COL20A1: variants seen among roughly 807,000 people sequenced by gnomAD.
COL20A1 encodes collagen alpha-1(XX) chain.
In COL20A1, 164 loss-of-function variants were observed where a neutral mutation model predicts 152.9. That is an observed-to-expected ratio of 1.07 (90% CI 0.94 to 1.22). The LOEUF (loss-of-function observed/expected upper bound fraction) is 1.22. COL20A1 is among the 50% of genes most tolerant of loss of function. The probability of loss-of-function intolerance (pLI) is 0.00; values close to 1 mark genes in which losing one functional copy is unlikely to be tolerated. For synonymous variants in COL20A1, 864 were observed against 756.0 expected (o/e 1.14, Z -2.34); for missense variants, 1,873 against 1,744.8 (o/e 1.07, Z -1.31).
rs749230620 is a variant in COL20A1 at position 63,309,517 on chromosome 20, G to A, written c.1105+20G>A. On this transcript the variant is annotated intron_variant, in intron 9 of 35. Coordinates refer to ENST00000358894, the MANE Select transcript of COL20A1 (RefSeq NM_020882.4). ...GCCCAGGTGAGGGGCAGGGTCACCC[G>A]CACAGGCTGCAGCCCCCCCGGCTGC... 1.1e-5 allele frequency: 16 copies of A among 1,482,256 alleles called. No individual in the cohort carries two copies. In the East Asian group the frequency reaches 1.3e-4, roughly 12 times the overall value. 91.8% of individuals were successfully genotyped at this position (1,482,256 alleles called of 1,614,324 possible). A position where few individuals can be genotyped will look rare whatever the true frequency, so the allele number is the denominator to read the frequency against.
At chr20:63,303,291 GC>G (rs1462726251) in intron 3 of COL20A1, among the ~76,000 whole-genome samples, 1 of 152,284 alleles carries the variant, frequency 6.6e-6, no homozygotes, top group South Asian at 2.1e-4. Context: ...AAACTCCTGG[GC>G]TCAAGTGATT....
At position 63,320,436 on chromosome 20, in the gene COL20A1, G is replaced by A. The variant is rs1400131323; in HGVS notation, c.3153+68G>A. The A allele has an allele frequency of 3.3e-6, 5 of 1,495,234 alleles. No individual in the cohort carries two copies. The East Asian group carries it at 6.8e-5, about 20-fold the overall frequency. 92.6% of individuals were successfully genotyped at this position (1,495,234 alleles called of 1,614,324 possible). The stretch of plus-strand genomic sequence containing the variant: ...GCAAGTGCCCACTGAGGGTCACAGT[G>A]CCTGGGGTCAGTTGGCCTGTCCAGA... On this transcript the variant is annotated intron_variant, in intron 25 of 35. Transcript: ENST00000358894.
intron 19 of COL20A1, 44 bp from the exon 20 acceptor site, chr20:63,315,360 G>A: frequency 1.3e-6 from 2 of 1,546,014 alleles, no homozygotes. Context: ...GGCGTTGGAG[G>A]CTGGGCCGCT....
At chr20:63,321,777 G>C (rs951140882) in intron 26 of COL20A1, among the ~76,000 whole-genome samples, 7 of 152,190 alleles carry the variant, frequency 4.6e-5, no homozygotes, top group African/African-American at 1.7e-4. Context: ...CTGGCTCTGG[G>C]ACCGGTCAAG....
intron 28 of COL20A1, 58 bp from the exon 29 acceptor site, chr20:63,325,610 G>A: frequency 6.3e-7 from 1 of 1,576,116 alleles, no homozygotes; most frequent in Non-Finnish European, 8.7e-7. Context: ...TCACAGGCAG[G>A]GCCACCTCTG....
intron 30 of COL20A1, 33 bp downstream of exon 30, chr20:63,326,182 A>G (rs1013184069): frequency 1.9e-6 from 3 of 1,571,624 alleles, no homozygotes; most frequent in Non-Finnish European, 2.6e-6. Context: ...CCCGACCCCC[A>G]CCCAGGGTTC....
intron 1 of COL20A1, among the ~76,000 whole-genome samples, chr20:63,294,698 G>A (rs962644391): frequency 1.3e-5 from 2 of 152,204 alleles, no homozygotes; most frequent in African/African-American, 4.8e-5. Context: ...ACATTGCCTG[G>A]AGAGCTCGCC....
intron 28 of COL20A1, 55 bp from the exon 29 acceptor site, chr20:63,325,613 C>T: frequency 6.3e-7 from 1 of 1,577,980 alleles, no homozygotes; most frequent in Non-Finnish European, 8.7e-7. Context: ...CAGGCAGGGC[C>T]ACCTCTGGAT....
Position 63,328,470 on chromosome 20 carries a change from G to C in COL20A1, c.3753G>C (p.Gly1251=), listed in dbSNP as rs2068286679. ...RSKALVPGEW[G]RGGRHLEGRG... is the part of the protein sequence containing the mutation. ...AGGCCCTGGTTCCTGGAGAATGGGG[G>C]CGTGGTGGCCGCCACCTTGAGGGCA... Residue 1251 remains glycine, a synonymous_variant, in exon 34 of 36, where the codon GGG becomes GGC. Transcript: ENST00000358894. 1.2e-6 allele frequency: 2 copies of C among 1,612,208 alleles called. No homozygotes were observed. The highest frequency in any genetic ancestry group is 1.7e-6 in the Non-Finnish European group (2 of 1,179,500).
chr20:63,317,444 C>G (rs73155411), intron 21 of COL20A1, among the ~76,000 whole-genome samples: 10,211 of 143,066 alleles, frequency 0.071, 401 homozygotes, highest in Middle Eastern at 0.12. Context: ...AGCCTGGGCA[C>G]CAGAGCAATA....
At chr20:63,326,862 G>T in intron 31 of COL20A1, 39 bp downstream of exon 31, 2 of 1,427,930 alleles carry the variant, frequency 1.4e-6, no homozygotes, top group Non-Finnish European at 1.8e-6. Flanking sequence ...AACCAAAGGT[G>T]GGGGAGCGAA....
rs1225945697 is a variant in COL20A1, at chr20:63,311,661, C to G, written c.1576C>G (p.Leu526Val). 1 of 1,609,192 alleles carries G rather than the reference C, an allele frequency of 6.2e-7. No homozygotes were observed. Among genetic ancestry groups the G allele is most frequent in the Non-Finnish European group, 8.5e-7 (1 of 1,179,508 alleles). ...GCGGCCCGAGGTGCTGCTGGATGGC[C>G]TGGAACCTGGCAGGGACTATGAGGT... ...VGRPEVLLDG[L>V]EPGRDYEVSV... The change falls in exon 13 of 36, where the codon CTG becomes GTG. Residue 526 changes from leucine (L) to valine (V), a missense_variant. Leu to Val is a conservative substitution (Grantham distance 32). Transcript: ENST00000358894. This position sits in a 1 kb window ranked among gnomAD's most constrained non-coding sequence, Gnocchi z 4.4.
chr20:63,302,848 G>A (rs1007066020), intron 3 of COL20A1, among the ~76,000 whole-genome samples: 5 of 152,202 alleles, frequency 3.3e-5, no homozygotes, highest in South Asian at 2.1e-4. Context: ...TCGCTCCTTC[G>A]TCTCTCCACC....
rs2068243388 is a variant in COL20A1, at chr20:63,326,110, G to A, written c.3417G>A (p.Leu1139=). 1 of 1,612,670 alleles carries A rather than the reference G, an allele frequency of 6.2e-7. No homozygotes were observed. Among genetic ancestry groups the A allele is most frequent in the South Asian group, 1.1e-5 (1 of 91,084 alleles). Residue 1139 remains leucine, a synonymous_variant, in exon 30 of 36, where the codon CTG becomes CTA. Transcript: ENST00000358894. The stretch of plus-strand genomic sequence containing the variant: ...TTTGCCATCAGGGAATGAGAGGCCT[G>A]GAGGGAACTGCTGGCCTGCCTGGAC... The part of the protein sequence containing the change: ...GLQGPKGMRG[L]EGTAGLPGPP...
rs767235498 is a variant in COL20A1, at chr20:63,311,619, C to T, written c.1540-6C>T. ...GGGGCTGGCCTGGGACGTCATGTCT[C>T]TGCAGGTGCAGGTCGGGCGGCCCGA... On this transcript the variant is annotated splice_polypyrimidine_tract_variant and splice_region_variant and intron_variant, in intron 12 of 35. Coordinates refer to ENST00000358894, the MANE Select transcript of COL20A1 (RefSeq NM_020882.4). This position sits in a 1 kb window ranked among gnomAD's most constrained non-coding sequence, Gnocchi z 4.4. 2.5e-6 allele frequency: 4 copies of T among 1,610,520 alleles called. No individual in the cohort carries two copies. In the Admixed American group the frequency reaches 5.0e-5, roughly 20 times the overall value.
chr20:63,312,588 T>C, intron 15 of COL20A1, 39 bp downstream of exon 15: 1 of 1,533,686 alleles, frequency 6.5e-7, no homozygotes, highest in Non-Finnish European at 8.7e-7. Context: ...TCCAGCAGGG[T>C]TTCTGTGTCC....
In COL20A1 at chr20:63,305,647, C is replaced by G; in HGVS notation, c.337+87C>G. 1.4e-6 allele frequency: 2 copies of G among 1,426,268 alleles called. No individual in the cohort carries two copies. Among genetic ancestry groups the G allele is most frequent in the Non-Finnish European group, 1.9e-6 (2 of 1,064,386 alleles). The allele number at this position is 1,426,268 out of a possible 1,614,324, so 88.4% of individuals were successfully genotyped here. Reference sequence around the variant, plus strand: ...GGCTGGGGTCCCACCCTCCTCCAGGCTGCGTTCCAGCCCCAGGGGTGGGTA... The same window carrying G: ...GGCTGGGGTCCCACCCTCCTCCAGGGTGCGTTCCAGCCCCAGGGGTGGGTA... On this transcript the variant is annotated intron_variant, in intron 4 of 35. Transcript: ENST00000358894. This position sits in a 1 kb window ranked among gnomAD's most constrained non-coding sequence, Gnocchi z 4.9.
At chr20:63,330,011 T>G (rs118003674) in intron 35 of COL20A1, among the ~76,000 whole-genome samples, 1 of 150,882 alleles carries the variant, frequency 6.6e-6, no homozygotes, top group Admixed American at 6.6e-5. Context: ...GCAGGGAGAG[T>G]GGAGCTCAGG....
rs113461066 is a variant in COL20A1 at position 63,323,894 on chromosome 20, G to A, written c.3295-1547G>A. Among the ~76,000 whole-genome samples the A allele has an allele frequency of 3.5e-4, 53 of 152,342 alleles. 1 individual carries two copies. The highest frequency in any genetic ancestry group is 1.2e-3 in the African/African-American group (50 of 41,570). On this transcript the variant is annotated intron_variant, in intron 27 of 35. Transcript: ENST00000358894. ...TTATCCGTTTAACCTAAACAATTCAGTTGGTGTTTTTACTGGAACTGCATT... is the reference window on the plus strand; with the variant it reads ...TTATCCGTTTAACCTAAACAATTCAATTGGTGTTTTTACTGGAACTGCATT...
Sources: allele counts gnomAD v4.1 joint callset (sites outside exome capture counted in the v4.1 genomes callset), GRCh38; gene constraint gnomAD v4.1.1; non-coding constraint Gnocchi (gnomAD v3.1); transcripts MANE v1.5; gene names NCBI Gene and HGNC (gene_info 2026-07-23, HGNC 2026-07-21).